Variants in RELN observed in about 807,000 individuals in gnomAD.
RELN encodes reelin.
RELN carries 108 observed loss-of-function variants against 427.6 expected under a neutral mutation model. That is an observed-to-expected ratio of 0.25 (90% CI 0.22 to 0.30). RELN has a LOEUF of 0.30. RELN is among the 10% of genes least tolerant of loss of function. RELN has a pLI of 1.00. For missense variants in RELN, 3,715 were observed against 4,302.8 expected (o/e 0.86, Z 3.82); for synonymous variants, 1,524 against 1,513.4 (o/e 1.01, Z -0.16).
intron 48 of RELN, among the ~76,000 whole-genome samples, 156 bp from the exon 49 acceptor site, chr7:103,519,672 T>C (rs1022646907): frequency 2.0e-5 from 3 of 151,226 alleles, no homozygotes; most frequent in African/African-American, 7.3e-5. Context: ...AGCCTTGACC[T>C]CCTGGGTTCA....
At chr7:103,479,794 A>C (rs1350087753) in intron 63 of RELN, among the ~76,000 whole-genome samples, 1 of 152,158 alleles carries the variant, frequency 6.6e-6, no homozygotes, top group Non-Finnish European at 1.5e-5. Flanking sequence ...GTTTGTTCTC[A>C]TTAAACTTGT....
intron 3 of RELN, among the ~76,000 whole-genome samples, chr7:103,796,857 G>C (rs1466088869): frequency 8.6e-6 from 1 of 116,132 alleles, no homozygotes; most frequent in Non-Finnish European, 1.6e-5. Context: ...CAGGGCAAGA[G>C]AGCTAGACTC....
intron 28 of RELN, among the ~76,000 whole-genome samples, chr7:103,586,159 C>T (rs892286715): frequency 1.3e-5 from 2 of 151,928 alleles, no homozygotes; most frequent in African/African-American, 2.4e-5. Flanking sequence ...GTCAGGAGTT[C>T]AAGACCAACC....
chr7:103,791,790 AAG>A (rs1405874035), intron 3 of RELN, among the ~76,000 whole-genome samples: 2 of 152,122 alleles, frequency 1.3e-5, no homozygotes, highest in East Asian at 3.9e-4. Context: ...TTTAAAAAAA[AAG>A]ACCCACAGAA....
At chr7:103,754,578 G>A (rs1311022526) in intron 4 of RELN, among the ~76,000 whole-genome samples, 4 of 151,436 alleles carry the variant, frequency 2.6e-5, no homozygotes, top group Non-Finnish European at 5.9e-5. Context: ...TTTGAGACCA[G>A]CCTGAGCAAT....
chr7:103,933,434 C>A (rs1358899549), intron 1 of RELN, among the ~76,000 whole-genome samples: 2 of 143,334 alleles, frequency 1.4e-5, no homozygotes, highest in Admixed American at 7.0e-5. Context: ...GTCACTCATG[C>A]CTGTAATGCC....
In RELN at chr7:103,741,705, G is replaced by C. The variant is rs192705249; in HGVS notation, c.656+7721C>G. On this transcript the variant is annotated intron_variant, in intron 6 of 64. Coordinates refer to ENST00000428762, the MANE Select transcript of RELN (RefSeq NM_005045.4). ...GAAAAGACAGGGAGGGAGGGAAAGA[G>C]AGGAAGGCAGAGACGAAAGTGATGG... 2.0e-5 allele frequency among the ~76,000 whole-genome samples: 3 copies of C among 151,808 alleles called. No homozygotes were observed. In the East Asian group the frequency reaches 5.8e-4, roughly 30 times the overall value.
At chr7:103,597,069 ACTGATCACTAG>A (rs1393549038) in intron 24 of RELN, among the ~76,000 whole-genome samples, 4 of 152,210 alleles carry the variant, frequency 2.6e-5, no homozygotes, top group African/African-American at 9.7e-5. Context: ...CATTATTCAT[ACTGATCACTAG>A]CTGTGTGACC....
chr7:103,521,958 G>C, intron 48 of RELN, 64 bp downstream of exon 48: 1 of 1,524,620 alleles, frequency 6.6e-7, no homozygotes, highest in Non-Finnish European at 9.1e-7. Flanking sequence ...CTTCAGAAGA[G>C]AGTCAACTAT....
chr7:103,621,310 GA>G (rs1832213038), intron 20 of RELN, among the ~76,000 whole-genome samples: 1 of 152,298 alleles, frequency 6.6e-6, no homozygotes. Context: ...GAAATTTTAT[GA>G]ATATTAAATT....
intron 20 of RELN, among the ~76,000 whole-genome samples, chr7:103,622,848 T>G (rs547992191): frequency 3.9e-5 from 6 of 152,352 alleles, no homozygotes; most frequent in Non-Finnish European, 1.5e-5. Context: ...GTTATTTCCC[T>G]CTAGAAGTAA....
intron 37 of RELN, 40 bp downstream of exon 37, chr7:103,557,922 AGGG>A (rs760481064): frequency 1.1e-6 from 1 of 907,842 alleles, no homozygotes. Flanking sequence ...GGAATTGCAC[AGGG>A]GAGAATTCTC....
At chr7:103,544,967 C>T (rs3025931) in intron 42 of RELN, among the ~76,000 whole-genome samples, 157 bp downstream of exon 42, 1 of 152,110 alleles carries the variant, frequency 6.6e-6, no homozygotes, top group Non-Finnish European at 1.5e-5. Flanking sequence ...CAAAATGGAA[C>T]CCTATAAATT....
At chr7:103,670,831 A>G (rs1340748293) in intron 11 of RELN, among the ~76,000 whole-genome samples, 3 of 152,090 alleles carry the variant, frequency 2.0e-5, no homozygotes, top group African/African-American at 4.8e-5. Context: ...TAATATTAGC[A>G]TAAAAGTCAC....
chr7:103,969,284 C>T (rs1234876809), intron 1 of RELN, among the ~76,000 whole-genome samples: 1 of 152,202 alleles, frequency 6.6e-6, no homozygotes, highest in African/African-American at 2.4e-5. Context: ...GTGGCCCATT[C>T]TGGTTTGTAT....
At chr7:103,491,703 C>A (rs548860071) in intron 58 of RELN, among the ~76,000 whole-genome samples, 1 of 152,108 alleles carries the variant, frequency 6.6e-6, no homozygotes, top group South Asian at 2.1e-4. Flanking sequence ...GTGACACATG[C>A]CTGTAATCCC....
intron 3 of RELN, among the ~76,000 whole-genome samples, chr7:103,787,923 C>T (rs1792060969): frequency 6.6e-6 from 1 of 152,062 alleles, no homozygotes; most frequent in East Asian, 1.9e-4. Context: ...AACATCGATG[C>T]AAAAATCCTC....
intron 2 of RELN, among the ~76,000 whole-genome samples, chr7:103,889,415 T>A: frequency 6.6e-6 from 1 of 152,194 alleles, no homozygotes; most frequent in East Asian, 1.9e-4. Flanking sequence ...GAACTTAATG[T>A]GTAACTTACG....
chr7:103,519,586 A>ATTTTTTTT lies in RELN; in HGVS notation c.7669-78_7669-71dup, dbSNP rs35127886. The ATTTTTTTT allele has an allele frequency of 7.2e-5, 71 of 989,296 alleles. No homozygotes were observed. The African/African-American group carries it at 1.2e-3, about 16-fold the overall frequency. The allele number at this position is 989,296 out of a possible 1,614,324, so 61.3% of individuals were successfully genotyped here. A position where few individuals can be genotyped will look rare whatever the true frequency, so the allele number is the denominator to read the frequency against. On this transcript the variant is annotated intron_variant, in intron 48 of 64. Transcript: ENST00000428762. ...ATTGCAGATTATAGATTTTCTATGG[A>ATTTTTTTT]TTTTTTTTTTTTTTGAGACAGGGTC...
Sources: gnomAD v4.1 joint callset for allele counts (sites outside exome capture counted in the v4.1 genomes callset) on GRCh38, gnomAD v4.1.1 for gene constraint, MANE v1.5 for transcripts, NCBI Gene and HGNC (gene_info 2026-07-23, HGNC 2026-07-21) for gene names.